The following KIF13A variants were observed in gnomAD, a reference collection of about 807,000 sequenced individuals.
KIF13A encodes kinesin family member 13A.
In KIF13A, 79 loss-of-function variants were observed where a neutral mutation model predicts 212.2. That is an observed-to-expected ratio of 0.37 (90% CI 0.31 to 0.45). The LOEUF (loss-of-function observed/expected upper bound fraction) is 0.45, where lower values mean the gene tolerates loss of function less well. Ranked by LOEUF, KIF13A falls within the 20% of genes least tolerant of loss-of-function variation. KIF13A has a pLI of 1.00. For synonymous variants in KIF13A, 789 were observed against 808.6 expected (o/e 0.98, Z 0.41); for missense variants, 1,901 against 2,209.0 (o/e 0.86, Z 2.79).
rs1423566780 is a variant in KIF13A at position 17,834,753 on chromosome 6, A to T, written c.1156-682T>A. 6.6e-6 allele frequency among the ~76,000 whole-genome samples: 1 copy of T among 152,214 alleles called. No individual in the cohort carries two copies. The highest frequency in any genetic ancestry group is 2.4e-5 in the African/African-American group (1 of 41,450). On this transcript the variant is annotated intron_variant, in intron 11 of 38. Coordinates refer to ENST00000259711, the MANE Select transcript of KIF13A (RefSeq NM_022113.6). This position sits in a 1 kb window ranked among gnomAD's most constrained non-coding sequence, Gnocchi z 4.0. ...CTTAAAGTAACATGAGCCTCTACAA[A>T]GTTAAAACTCTATGAACAAGAAAGA...
chr6:17,979,039 C>T (rs897205772), intron 2 of KIF13A, among the ~76,000 whole-genome samples: 1 of 152,192 alleles, frequency 6.6e-6, no homozygotes, highest in Non-Finnish European at 1.5e-5. Context: ...AATCCCAGCA[C>T]TTTGGGAGGC....
At chr6:17,909,626 G>A (rs1773854820) in intron 2 of KIF13A, among the ~76,000 whole-genome samples, 1 of 152,082 alleles carries the variant, frequency 6.6e-6, no homozygotes, top group African/African-American at 2.4e-5. Context: ...CAGGTATGGT[G>A]GCTCATGCCT....
intron 2 of KIF13A, among the ~76,000 whole-genome samples, chr6:17,937,320 T>C (rs1776550753): frequency 6.6e-6 from 1 of 152,372 alleles, no homozygotes; most frequent in East Asian, 1.9e-4. Flanking sequence ...TAGTTGGTCC[T>C]AAATTCAAGA....
intron 2 of KIF13A, among the ~76,000 whole-genome samples, chr6:17,986,272 G>C (rs144403746): frequency 1.3e-5 from 2 of 152,246 alleles, no homozygotes; most frequent in Non-Finnish European, 2.9e-5. Context: ...TTTCTTCTCA[G>C]AGGCTTACTA....
chr6:17,833,166 C>A (rs977338005), intron 12 of KIF13A, among the ~76,000 whole-genome samples: 1 of 151,826 alleles, frequency 6.6e-6, no homozygotes, highest in Non-Finnish European at 1.5e-5. Flanking sequence ...CCAAACTGTA[C>A]ATTGATAAAA....
chr6:17,960,761 A>G (rs1778750000), intron 2 of KIF13A, among the ~76,000 whole-genome samples: 1 of 152,236 alleles, frequency 6.6e-6, no homozygotes, highest in African/African-American at 2.4e-5. Context: ...AAAGGAATGT[A>G]AAGAATTGTG....
Position 17,773,553 on chromosome 6 carries a change from C to G in KIF13A, c.4249G>C (p.Asp1417His). 1 of 1,610,918 alleles carries G rather than the reference C, an allele frequency of 6.2e-7. No homozygotes were observed. ...GWPENQLDMS[D>H]YSSSYQDVAC... ...ACATCTTGGTAACTGGAGCTATAGTCAGACATGTCCAACTGGTTCTCTGGC... is the reference window on the plus strand; with the variant it reads ...ACATCTTGGTAACTGGAGCTATAGTGAGACATGTCCAACTGGTTCTCTGGC... Residue 1417 changes from aspartate to histidine, a missense_variant, in exon 36 of 39, where the codon GAC becomes CAC. By Grantham distance (81) the Asp-to-His change is moderately conservative (BLOSUM62 -1). This residue lies in a region of KIF13A where 687 missense variants were observed against 759.1 expected (regional missense o/e 0.90). Coordinates refer to ENST00000259711, the MANE Select transcript of KIF13A (RefSeq NM_022113.6). This position sits in a 1 kb window ranked among gnomAD's most constrained non-coding sequence, Gnocchi z 4.2.
At chr6:17,870,195 T>C (rs650536) in intron 4 of KIF13A, among the ~76,000 whole-genome samples, 60,741 of 151,990 alleles carry the variant, frequency 0.4, 12,954 homozygotes, top group East Asian at 0.58. Flanking sequence ...ATCTGAAGAA[T>C]AAGAAAATAT....
chr6:17,796,751 A>G lies in KIF13A; in HGVS notation c.2860T>C (p.Trp954Arg). ...ISDGALAIEV[W>R]GHRCAGNGSS... ...CCATTTCCAGCACACCGGTGGCCCC[A>G]TACTTCAATGGCCAGTGCTCCATCT... The change falls in exon 23 of 39, where the codon TGG becomes CGG. Residue 954 changes from tryptophan to arginine, a missense_variant. Coordinates refer to ENST00000259711, the MANE Select transcript of KIF13A (RefSeq NM_022113.6). 6.3e-7 allele frequency: 1 copy of G among 1,592,138 alleles called. No homozygotes were observed. Among genetic ancestry groups the G allele is most frequent in the Non-Finnish European group, 8.6e-7 (1 of 1,168,174 alleles).
intron 22 of KIF13A, among the ~76,000 whole-genome samples, chr6:17,797,917 A>C (rs565637188): frequency 6.6e-5 from 10 of 152,250 alleles, no homozygotes; most frequent in Admixed American, 1.3e-4. Context: ...AAACAAACCC[A>C]AACAGATGAT....
intron 20 of KIF13A, among the ~76,000 whole-genome samples, chr6:17,802,724 G>C (rs1021700253): frequency 6.6e-6 from 1 of 151,982 alleles, no homozygotes; most frequent in African/African-American, 2.4e-5. Context: ...CTCAGCCACT[G>C]AATCACTCTG....
chr6:17,820,530 T>A (rs1275890998), intron 16 of KIF13A, among the ~76,000 whole-genome samples: 4 of 152,224 alleles, frequency 2.6e-5, no homozygotes, highest in Admixed American at 6.5e-5. Flanking sequence ...TCTGACTCTA[T>A]GATGTGGCCC....
At chr6:17,802,538 C>T (rs1359923929) in intron 20 of KIF13A, among the ~76,000 whole-genome samples, 1 of 152,086 alleles carries the variant, frequency 6.6e-6, no homozygotes, top group Non-Finnish European at 1.5e-5. Flanking sequence ...GATCTGCCTG[C>T]CTCGGCCTCC....
intron 2 of KIF13A, among the ~76,000 whole-genome samples, chr6:17,969,597 T>C (rs955182516): frequency 1.5e-4 from 23 of 152,300 alleles, no homozygotes; most frequent in African/African-American, 5.3e-4. Flanking sequence ...ATTATCCCCA[T>C]ACTTATGCTG....
chr6:17,875,257 A>T (rs1770442823), intron 3 of KIF13A, among the ~76,000 whole-genome samples: 1 of 152,154 alleles, frequency 6.6e-6, no homozygotes, highest in African/African-American at 2.4e-5. Flanking sequence ...GTACTAGTTT[A>T]CATTTCCACT....
chr6:17,798,635 T>C (rs1422063485), intron 22 of KIF13A, among the ~76,000 whole-genome samples: 3 of 152,152 alleles, frequency 2.0e-5, no homozygotes, highest in African/African-American at 4.8e-5. Context: ...AACAAAACTA[T>C]AGAGAGGATG....
At position 17,897,097 on chromosome 6, in the gene KIF13A, A is replaced by G. The variant is rs748649540; in HGVS notation, c.159+1071T>C. The stretch of plus-strand genomic sequence containing the variant: ...TAACAGATCTTATATCATTTGTTCA[A>G]TGCATGCCTTCCTTGCTAAAGCTGA... On this transcript the variant is annotated intron_variant, in intron 3 of 38. Transcript: ENST00000259711. The surrounding 1 kb of genome is among the most constrained non-coding windows in gnomAD (Gnocchi z 4.8). Among the ~76,000 whole-genome samples, 1 of 152,184 alleles carries G rather than the reference A, an allele frequency of 6.6e-6. No individual in the cohort carries two copies. Among genetic ancestry groups the G allele is most frequent in the Non-Finnish European group, 1.5e-5 (1 of 68,036 alleles).
rs148781284 is a variant in KIF13A at position 17,807,381 on chromosome 6, C to T, written c.2163+1387G>A. On this transcript the variant is annotated intron_variant, in intron 18 of 38. Transcript: ENST00000259711. The stretch of plus-strand genomic sequence containing the variant: ...TTGTGGGGGGAGGTCTATAAACGGC[C>T]GCTCTGGGAATGTCTTACCTGGTTG... Among the ~76,000 whole-genome samples, 10 of 152,006 alleles carry T rather than the reference C, an allele frequency of 6.6e-5. No individual in the cohort carries two copies. In the East Asian group the frequency reaches 7.7e-4, roughly 12 times the overall value.
intron 4 of KIF13A, among the ~76,000 whole-genome samples, chr6:17,862,539 A>C (rs553516848): frequency 6.6e-6 from 1 of 152,322 alleles, no homozygotes; most frequent in East Asian, 1.9e-4. Flanking sequence ...GTGGTGGCTC[A>C]TGCCTGCAAT....
Sources: gnomAD v4.1 joint callset for allele counts (sites outside exome capture counted in the v4.1 genomes callset) on GRCh38, gnomAD v4.1.1 for gene constraint, gnomAD v4.1.1 regional missense constraint, Gnocchi (gnomAD v3.1) non-coding constraint, MANE v1.5 for transcripts, NCBI Gene and HGNC (gene_info 2026-07-23, HGNC 2026-07-21) for gene names.